The following MCM10 variants were observed in gnomAD, a reference collection of about 807,000 sequenced individuals.
MCM10 encodes protein MCM10 homolog.
MCM10 carries 91 observed loss-of-function variants against 109.9 expected under a neutral mutation model. The ratio of observed to expected loss-of-function variants is 0.83; its 90% confidence interval spans 0.70 to 0.99. MCM10 has a LOEUF of 0.99. Ranked by LOEUF, MCM10 falls within the 50% of genes least tolerant of loss-of-function variation. MCM10 has a pLI of 0.00. For missense variants in MCM10, 1,077 were observed against 1,061.2 expected, an observed-to-expected ratio of 1.01 and a Z score of -0.21; for synonymous variants, 380 against 387.2, an observed-to-expected ratio of 0.98 and a Z score of 0.22.
In MCM10 at chr10:13,172,530, T is replaced by G; in HGVS notation, c.454+50T>G. On this transcript the variant is annotated intron_variant, in intron 4 of 19. Transcript: ENST00000378714. The surrounding 1 kb of genome is among the most constrained non-coding windows in gnomAD (Gnocchi z 5.2). ...TCGTGTGCATTTATTTTATTAGAAA[T>G]TATCACATCATTTCTGCATCCAACT... 1 of 1,604,522 alleles carries G rather than the reference T, an allele frequency of 6.2e-7. No homozygotes were observed. The highest frequency in any genetic ancestry group is 1.1e-5 in the South Asian group (1 of 90,586).
rs753212017 is a variant in MCM10 at position 13,182,812 on chromosome 10, CA to C, written c.931-114del. On this transcript the variant is annotated intron_variant, in intron 7 of 19. Transcript: ENST00000378714. This position sits in a 1 kb window ranked among gnomAD's most constrained non-coding sequence, Gnocchi z 4.2. ...CTGATGATACATATTTGAATAACAACAAAAAAACTTGGATTTTATGGATTAT... is the reference window on the plus strand; with the variant it reads ...CTGATGATACATATTTGAATAACAACAAAAAACTTGGATTTTATGGATTAT... 4.2e-6 allele frequency: 3 copies of C among 708,092 alleles called. No homozygotes were observed. The highest frequency in any genetic ancestry group is 3.6e-5 in the African/African-American group (2 of 55,928). The allele number at this position is 708,092 out of a possible 1,614,324, so 43.9% of individuals were successfully genotyped here. A position where few individuals can be genotyped will look rare whatever the true frequency, so the allele number is the denominator to read the frequency against.
At chr10:13,197,841 G>A in intron 15 of MCM10, 74 bp downstream of exon 15, 1 of 1,461,724 alleles carries the variant, frequency 6.8e-7, no homozygotes, top group Non-Finnish European at 9.3e-7. Flanking sequence ...ACCCAAACCA[G>A]CACCCAGATA....
At chr10:13,203,319 C>T (rs894192034) in intron 17 of MCM10, among the ~76,000 whole-genome samples, 2 of 152,144 alleles carry the variant, frequency 1.3e-5, no homozygotes, top group African/African-American at 4.8e-5. Context: ...ATGCAGCCAG[C>T]GGCAGCAGGT....
chr10:13,189,006 C>T lies in MCM10; in HGVS notation c.1341C>T (p.Thr447=). 6.2e-7 allele frequency: 1 copy of T among 1,614,230 alleles called. No homozygotes were observed. The highest frequency in any genetic ancestry group is 8.5e-7 in the Non-Finnish European group (1 of 1,180,040). The change falls in exon 10 of 20, where the codon ACC becomes ACT. Residue 447 remains threonine, a synonymous_variant. Transcript: ENST00000378714. ...RIPKKFARRG[T]SLKERLCQDG... is the part of the protein sequence containing the mutation. ...CAAAGAAGTTTGCCCGCAGAGGCAC[C>T]AGCCTCAAAGAACGGCTGTGCCAAG...
chr10:13,162,952 G>A lies in MCM10; in HGVS notation c.-75-1176G>A, dbSNP rs866459675. ...AAATTAGCCGGGCGTGGTGGCGGGC[G>A]CCTGTAGTCCCAGCTACTCGGGAGG... On this transcript the variant is annotated intron_variant, in intron 1 of 19. Coordinates refer to ENST00000378714, the MANE Select transcript of MCM10 (RefSeq NM_018518.5). Among the ~76,000 whole-genome samples, 58 of 152,102 alleles carry A rather than the reference G, an allele frequency of 3.8e-4. No individual in the cohort carries two copies. In the Middle Eastern group the frequency reaches 0.02, roughly 54 times the overall value.
intron 16 of MCM10, among the ~76,000 whole-genome samples, chr10:13,199,478 T>C (rs961070957): frequency 3.3e-5 from 5 of 152,224 alleles, no homozygotes; most frequent in African/African-American, 9.6e-5. Context: ...TATTTTTATA[T>C]TGGCATTTCA....
chr10:13,186,184 T>A lies in MCM10; in HGVS notation c.1119T>A (p.His373Gln), dbSNP rs142889100. ...GSEEVCLSID[H>Q]PQKVLIMGEA... is the part of the protein sequence containing the mutation. The stretch of plus-strand genomic sequence containing the variant: ...TACAGGTGTGTTTATCTATCGATCA[T>A]CCTCAGAAGGTCTTAATTATGGGTG... The change falls in exon 9 of 20, where the codon CAT becomes CAA. Residue 373 changes from histidine (H) to glutamine (Q), a missense_variant. Transcript: ENST00000378714. 190 of 1,611,680 alleles carry A rather than the reference T, an allele frequency of 1.2e-4. No individual in the cohort carries two copies. In the African/African-American group the frequency reaches 1.6e-3, roughly 14 times the overall value.
At position 13,195,232 on chromosome 10, in the gene MCM10, C is replaced by T. The variant is rs1352217634; in HGVS notation, c.1937C>T (p.Pro646Leu). The T allele has an allele frequency of 1.9e-6, 3 of 1,610,048 alleles. No individual in the cohort carries two copies. Among genetic ancestry groups the T allele is most frequent in the Non-Finnish European group, 2.5e-6 (3 of 1,178,114 alleles). The change falls in exon 14 of 20, where the codon CCA (proline) becomes CTA (leucine). Residue 646 changes from proline (P) to leucine (L), a missense_variant. By Grantham distance (98) the Pro-to-Leu change is moderately conservative. Transcript: ENST00000378714. ...DVLFYDESPP[P>L]RPKLSALAEA... is the part of the protein sequence containing the mutation. ...CTCTTTTATGATGAGTCACCACCAC[C>T]AAGACCAAAACTGAGTGCTTTAGCA...
rs747578910 is a variant in MCM10, at chr10:13,197,764, C to G, written c.2116C>G (p.Gln706Glu). The G allele has an allele frequency of 1.2e-6, 2 of 1,609,858 alleles. No homozygotes were observed. The highest frequency in any genetic ancestry group is 1.7e-6 in the Non-Finnish European group (2 of 1,179,074). ...RVEKNTMFSS[Q>E]AEDELEPARK... Reference sequence around the variant, plus strand: ...AGAAAAAAACACCATGTTTTCTTCTCAAGGTACTGCAGTTTCACAGTTAAC... The same window carrying G: ...AGAAAAAAACACCATGTTTTCTTCTGAAGGTACTGCAGTTTCACAGTTAAC... Residue 706 changes from glutamine to glutamate, a missense_variant, in exon 15 of 20, where the codon CAA becomes GAA. By Grantham distance (29) the Gln-to-Glu change is conservative (BLOSUM62 2). Coordinates refer to ENST00000378714, the MANE Select transcript of MCM10 (RefSeq NM_018518.5).
intron 15 of MCM10, among the ~76,000 whole-genome samples, chr10:13,198,455 T>G (rs1834451813): frequency 6.6e-6 from 1 of 152,190 alleles, no homozygotes; most frequent in Non-Finnish European, 1.5e-5. Flanking sequence ...GCTGCCTATT[T>G]GAAGGTGAAA....
In MCM10 at chr10:13,210,187, T is replaced by C. The variant is rs1169617162; in HGVS notation, c.*877T>C. 2 of 151,904 alleles carry C rather than the reference T, an allele frequency of 1.3e-5. No individual in the cohort carries two copies. The highest frequency in any genetic ancestry group is 4.8e-5 in the African/African-American group (2 of 41,300). 9.4% of individuals were successfully genotyped at this position (151,904 alleles called of 1,614,324 possible). On this transcript the variant is annotated 3_prime_UTR_variant, in exon 20 of 20. Transcript: ENST00000378714. ...CTCCCACCTCAGTCTCCCAAATAGC[T>C]AGGACTACAGGCGTGCGTGACCAAG... is the stretch of plus-strand genomic sequence containing the variant.
At chr10:13,166,688 A>ATATATATATATATATATATATATATATG (rs1435674336) in intron 2 of MCM10, among the ~76,000 whole-genome samples, 1 of 135,946 alleles carries the variant, frequency 7.4e-6, no homozygotes, top group African/African-American at 3.0e-5. Context: ...ATATATATAT[A>ATATATATATATATATATATATATATATG]TCATCAGCTA....
chr10:13,207,462 C>T (rs1276194465), intron 18 of MCM10, among the ~76,000 whole-genome samples: 1 of 152,086 alleles, frequency 6.6e-6, no homozygotes, highest in Non-Finnish European at 1.5e-5. Flanking sequence ...GTTGTAAGGG[C>T]TAAGGCCACT....
At position 13,188,435 on chromosome 10, in the gene MCM10, C is replaced by T. The variant is rs1468682723; in HGVS notation, c.1216-446C>T. Among the ~76,000 whole-genome samples, 3 of 152,202 alleles carry T rather than the reference C, an allele frequency of 2.0e-5. No individual in the cohort carries two copies. In the East Asian group the frequency reaches 5.8e-4, roughly 29 times the overall value. On this transcript the variant is annotated intron_variant, in intron 9 of 19. Transcript: ENST00000378714. ...TTCCATCACCCTGTAAAAACAATGG[C>T]ACCATAAAGTCATCACTCCCATCCC...
chr10:13,179,465 C>T (rs1252736896), intron 6 of MCM10, among the ~76,000 whole-genome samples: 1 of 152,158 alleles, frequency 6.6e-6, no homozygotes, highest in African/African-American at 2.4e-5. Flanking sequence ...AAGAATTTTC[C>T]CACTGAAGTC....
intron 16 of MCM10, 42 bp downstream of exon 16, chr10:13,198,849 T>G: frequency 7.7e-7 from 1 of 1,306,092 alleles, no homozygotes; most frequent in South Asian, 1.2e-5. Flanking sequence ...ATGTCCGATG[T>G]CCTTCAAAGC....
intron 9 of MCM10, 80 bp downstream of exon 9, chr10:13,186,360 T>A: frequency 1.1e-6 from 1 of 935,772 alleles, no homozygotes; most frequent in Non-Finnish European, 1.7e-6. Flanking sequence ...TTAGCTGTGA[T>A]GACCAGTTTG....
At chr10:13,171,477 CT>C (rs2131558587) in intron 3 of MCM10, among the ~76,000 whole-genome samples, 1 of 152,334 alleles carries the variant, frequency 6.6e-6, no homozygotes, top group Non-Finnish European at 1.5e-5. Context: ...TGTCAGCCAG[CT>C]GCACTTGATC....
At chr10:13,204,977 GCTT>G (rs1834551098) in intron 18 of MCM10, among the ~76,000 whole-genome samples, 1 of 69,056 alleles carries the variant, frequency 1.4e-5, no homozygotes, top group Admixed American at 1.5e-4. Flanking sequence ...TTTTTATTGT[GCTT>G]CTCATGTATG....
Sources: allele counts gnomAD v4.1 joint callset (sites outside exome capture counted in the v4.1 genomes callset), GRCh38; gene constraint gnomAD v4.1.1; non-coding constraint Gnocchi (gnomAD v3.1); transcripts MANE v1.5; gene names NCBI Gene and HGNC (gene_info 2026-07-23, HGNC 2026-07-21).